The following OPCML variants were observed in gnomAD, a reference collection of about 807,000 sequenced individuals.
The protein encoded by OPCML is opioid binding protein/cell adhesion molecule like, also known as opioid-binding protein/cell adhesion molecule.
Under a neutral mutation model 37.8 loss-of-function variants are expected in OPCML, and 13 were observed. The ratio of observed to expected loss-of-function variants is 0.34; its 90% CI spans 0.22 to 0.55. The LOEUF is 0.55. OPCML is among the 20% of genes least tolerant of loss of function. The pLI is 0.91. For missense variants in OPCML, 341 were observed against 435.6 expected (o/e 0.78, Z 1.93); for synonymous variants, 176 against 168.8 (o/e 1.04, Z -0.33).
At chr11:132,856,959 G>T (rs1418175283) in intron 2 of OPCML, among the ~76,000 whole-genome samples, 1 of 152,124 alleles carries the variant, frequency 6.6e-6, no homozygotes, top group Non-Finnish European at 1.5e-5. Flanking sequence ...TTTCACTCTT[G>T]TTCTAAAACT....
intron 1 of OPCML, chr11:133,025,099 TC>T (rs773829526): frequency 2.5e-6 from 2 of 795,712 alleles, no homozygotes; most frequent in Non-Finnish European, 3.0e-6. Flanking sequence ...GAGCTAATTT[TC>T]CTTCATAGGG....
intron 3 of OPCML, among the ~76,000 whole-genome samples, chr11:132,554,866 T>G (rs961934902): frequency 1.9e-5 from 2 of 103,736 alleles, no homozygotes; most frequent in African/African-American, 5.6e-5. Context: ...GGGTAAAGTT[T>G]TTTTTTTTTT....
chr11:132,797,880 G>T (rs1238756945), intron 2 of OPCML, among the ~76,000 whole-genome samples: 2 of 152,132 alleles, frequency 1.3e-5, no homozygotes, highest in Non-Finnish European at 2.9e-5. Flanking sequence ...GTTGCTGAAG[G>T]TTGGGGTGGC....
At chr11:133,207,504 G>A (rs1162603117) in intron 1 of OPCML, among the ~76,000 whole-genome samples, 1 of 152,130 alleles carries the variant, frequency 6.6e-6, no homozygotes, top group Non-Finnish European at 1.5e-5. Flanking sequence ...TTTCAGATCT[G>A]CCTGTAGCTC....
chr11:133,433,270 AT>A (rs1426958349), intron 1 of OPCML, among the ~76,000 whole-genome samples: 230 of 151,226 alleles, frequency 1.5e-3, no homozygotes, highest in East Asian at 4.1e-3. Context: ...AAAAAAAAAA[AT>A]ATTACTGATG....
At chr11:133,331,612 A>G (rs1446846354) in intron 1 of OPCML, among the ~76,000 whole-genome samples, 1 of 152,196 alleles carries the variant, frequency 6.6e-6, no homozygotes, top group Non-Finnish European at 1.5e-5. Flanking sequence ...CATTGGCTTT[A>G]AGACTTGTCA....
intron 1 of OPCML, among the ~76,000 whole-genome samples, chr11:133,447,301 C>G (rs1386351019): frequency 6.6e-6 from 1 of 152,176 alleles, no homozygotes; most frequent in Non-Finnish European, 1.5e-5. Context: ...TTTACATGTG[C>G]TTCTTAGCCA....
intron 1 of OPCML, among the ~76,000 whole-genome samples, chr11:133,142,146 T>C (rs1949832453): frequency 6.6e-6 from 1 of 152,252 alleles, no homozygotes; most frequent in African/African-American, 2.4e-5. Context: ...CTCACCTCTA[T>C]TTCAATCCAC....
At chr11:133,008,468 A>G (rs1435405455) in intron 1 of OPCML, 2 of 969,280 alleles carry the variant, frequency 2.1e-6, no homozygotes, top group Non-Finnish European at 2.5e-6. Flanking sequence ...TGCAGTCCCC[A>G]GATTCCCTTT....
chr11:132,764,781 T>C (rs1039200552), intron 2 of OPCML, among the ~76,000 whole-genome samples: 1 of 152,232 alleles, frequency 6.6e-6, no homozygotes, highest in Non-Finnish European at 1.5e-5. Flanking sequence ...GAAGTGGCTT[T>C]GCTGACTAGT....
chr11:132,634,270 G>A (rs1318163226), intron 3 of OPCML, among the ~76,000 whole-genome samples: 2 of 152,180 alleles, frequency 1.3e-5, no homozygotes, highest in African/African-American at 2.4e-5. Flanking sequence ...AAAGGAAGCA[G>A]GTTGTTAGTG....
At chr11:132,696,899 G>T (rs558665597) in intron 2 of OPCML, among the ~76,000 whole-genome samples, 2 of 152,230 alleles carry the variant, frequency 1.3e-5, no homozygotes, top group East Asian at 3.9e-4. Context: ...TACCAAACAG[G>T]ATTAATGAAA....
intron 1 of OPCML, among the ~76,000 whole-genome samples, chr11:133,418,680 A>C (rs894842319): frequency 1.3e-5 from 2 of 152,182 alleles, no homozygotes; most frequent in Non-Finnish European, 2.9e-5. Context: ...CCCTTCCCCA[A>C]ACTAAACTGC....
At chr11:133,165,848 T>C (rs563500791) in intron 1 of OPCML, among the ~76,000 whole-genome samples, 2 of 152,256 alleles carry the variant, frequency 1.3e-5, no homozygotes, top group East Asian at 3.9e-4. Flanking sequence ...CCCTGGACCC[T>C]GAAATCCCAC....
rs1043080682 is a variant in OPCML, at chr11:132,943,965, C to T, written c.62-955G>A. 2.0e-5 allele frequency among the ~76,000 whole-genome samples: 3 copies of T among 151,938 alleles called. No individual in the cohort carries two copies. The highest frequency in any genetic ancestry group is 7.2e-5 in the African/African-American group (3 of 41,438). ...TCATGGCAGCAGCTCCATCCCTGAC[C>T]GCCACTTTCTCCCGGTGCCGCCTCG... On this transcript the variant is annotated intron_variant, in intron 1 of 7. Coordinates refer to ENST00000524381, the MANE Select transcript of OPCML (RefSeq NM_001012393.5). This position sits in a 1 kb window ranked among gnomAD's most constrained non-coding sequence, Gnocchi z 4.3.
intron 2 of OPCML, among the ~76,000 whole-genome samples, chr11:132,666,282 G>A (rs762261636): frequency 2.8e-4 from 43 of 152,300 alleles, no homozygotes; most frequent in Admixed American, 1.2e-3. Context: ...GAAGGGAAAG[G>A]GGAGTTGGTA....
intron 1 of OPCML, among the ~76,000 whole-genome samples, chr11:133,325,319 T>C (rs1297605404): frequency 1.3e-5 from 2 of 152,244 alleles, no homozygotes; most frequent in African/African-American, 4.8e-5. Flanking sequence ...GATTGCCGGA[T>C]GGCATTATTT....
chr11:132,644,753 G>GA (rs1426307323), intron 3 of OPCML, among the ~76,000 whole-genome samples: 1 of 152,152 alleles, frequency 6.6e-6, no homozygotes, highest in African/African-American at 2.4e-5. Flanking sequence ...CCGTGGTAAT[G>GA]AACCAATCCA....
At chr11:132,712,032 T>C (rs3016500) in intron 2 of OPCML, among the ~76,000 whole-genome samples, 93,724 of 152,026 alleles carry the variant, frequency 0.62, 29,515 homozygotes, top group Admixed American at 0.71. Flanking sequence ...TTCTATTGTT[T>C]GTAAAGTGTC....
Sources: allele counts gnomAD v4.1 joint callset (sites outside exome capture counted in the v4.1 genomes callset), GRCh38; gene constraint gnomAD v4.1.1; non-coding constraint Gnocchi (gnomAD v3.1); transcripts MANE v1.5; gene names NCBI Gene and HGNC (gene_info 2026-07-23, HGNC 2026-07-21).